The following DLGAP3 variants were observed in gnomAD, a reference collection of about 807,000 sequenced individuals.
DLGAP3 encodes the protein DLG associated protein 3.
In DLGAP3, 17 loss-of-function variants were observed where a neutral mutation model predicts 81.2. The ratio of observed to expected loss-of-function variants is 0.21; its 90% CI spans 0.14 to 0.31. DLGAP3 has a LOEUF of 0.31. Ranked by LOEUF, DLGAP3 falls within the 10% of genes least tolerant of loss-of-function variation. The probability of loss-of-function intolerance (pLI) is 1.00; values close to 1 mark genes in which losing one functional copy is unlikely to be tolerated. For synonymous variants in DLGAP3, 577 were observed against 587.4 expected (o/e 0.98, Z 0.26); for missense variants, 1,124 against 1,388.0 (o/e 0.81, Z 3.02).
intron 3 of DLGAP3, among the ~76,000 whole-genome samples, chr1:34,901,932 A>T (rs1362329792): frequency 6.6e-6 from 1 of 152,218 alleles, no homozygotes; most frequent in Non-Finnish European, 1.5e-5. Flanking sequence ...AAACCTCAGA[A>T]GGGAGAACAG....
In DLGAP3 at chr1:34,892,911, G is replaced by A. The variant is rs1234704442; in HGVS notation, c.1387-6626C>T. On this transcript the variant is annotated intron_variant, in intron 5 of 11. Coordinates refer to ENST00000373347, the MANE Select transcript of DLGAP3 (RefSeq NM_001080418.3). Reference sequence around the variant, plus strand: ...CACACGGCCGGGCGCGGTGGCTCACGCCTGTAATCCCAGCACTTTGGGAGG... The same window carrying A: ...CACACGGCCGGGCGCGGTGGCTCACACCTGTAATCCCAGCACTTTGGGAGG... 4.6e-5 allele frequency among the ~76,000 whole-genome samples: 7 copies of A among 152,248 alleles called. 1 individual carries two copies. The highest frequency in any genetic ancestry group is 3.9e-4 in the East Asian group (2 of 5,186).
intron 8 of DLGAP3, among the ~76,000 whole-genome samples, chr1:34,871,074 G>A (rs1299664134): frequency 6.6e-6 from 1 of 152,030 alleles, no homozygotes; most frequent in African/African-American, 2.4e-5. Context: ...AAGATCTGGG[G>A]CCCTCCCCAG....
chr1:34,893,956 G>A (rs538472722), intron 5 of DLGAP3, among the ~76,000 whole-genome samples: 1 of 152,328 alleles, frequency 6.6e-6, no homozygotes, highest in African/African-American at 2.4e-5. Flanking sequence ...GGAGGCCAAG[G>A]TGGGTGGATC....
chr1:34,923,541 G>T (rs1472343370), intron 1 of DLGAP3, among the ~76,000 whole-genome samples: 12 of 152,134 alleles, frequency 7.9e-5, no homozygotes, highest in Admixed American at 7.9e-4. Context: ...CAGGGAAAAG[G>T]GGGTGGACAT....
At chr1:34,912,369 G>C (rs1639651829) in intron 1 of DLGAP3, among the ~76,000 whole-genome samples, 1 of 152,200 alleles carries the variant, frequency 6.6e-6, no homozygotes, top group Admixed American at 6.5e-5. Flanking sequence ...GTTTGACAAA[G>C]ACCAGTATCT....
At chr1:34,887,422 T>C (rs914293194) in intron 5 of DLGAP3, among the ~76,000 whole-genome samples, 8 of 149,716 alleles carry the variant, frequency 5.3e-5, no homozygotes, top group Admixed American at 4.7e-4. Flanking sequence ...AAAAAAAAAG[T>C]TAAAGTATGA....
At position 34,873,161 on chromosome 1, in the gene DLGAP3, G is replaced by A. The variant is rs533524780; in HGVS notation, c.2001-4072C>T. ...CCCTACTTGTAGATCAGAAAACCGA[G>A]GCTTAGTGGGGTTGACTCCTAAGAT... On this transcript the variant is annotated intron_variant, in intron 8 of 11. Coordinates refer to ENST00000373347, the MANE Select transcript of DLGAP3 (RefSeq NM_001080418.3). This position sits in a 1 kb window ranked among gnomAD's most constrained non-coding sequence, Gnocchi z 4.2. 6.6e-6 allele frequency among the ~76,000 whole-genome samples: 1 copy of A among 152,320 alleles called. No individual in the cohort carries two copies. The highest frequency in any genetic ancestry group is 1.9e-4 in the East Asian group (1 of 5,180).
intron 11 of DLGAP3, 111 bp from the exon 12 acceptor site, chr1:34,866,412 C>G (rs959347378): frequency 2.3e-6 from 2 of 870,152 alleles, no homozygotes; most frequent in African/African-American, 3.4e-5. Flanking sequence ...GCTCCGAACG[C>G]GATGGCGCTC....
chr1:34,929,391 G>C lies in DLGAP3; in HGVS notation c.-135+60C>G. 6.7e-6 allele frequency: 1 copy of C among 148,400 alleles called. No homozygotes were observed. Among genetic ancestry groups the C allele is most frequent in the East Asian group, 2.0e-4 (1 of 5,070 alleles). 9.2% of individuals were successfully genotyped at this position (148,400 alleles called of 1,614,324 possible). On this transcript the variant is annotated intron_variant, in intron 1 of 11. Coordinates refer to ENST00000373347, the MANE Select transcript of DLGAP3 (RefSeq NM_001080418.3). The surrounding 1 kb of genome is among the most constrained non-coding windows in gnomAD (Gnocchi z 6.5). ...CGGGGCCGCAGCCGGGCCGTGCCTG[G>C]GGGGCGCTGCAGAGGGAGCCGCGAG...
intron 11 of DLGAP3, among the ~76,000 whole-genome samples, chr1:34,866,652 C>T (rs751167343): frequency 3.9e-5 from 6 of 152,192 alleles, no homozygotes; most frequent in Admixed American, 1.3e-4. Context: ...TGGCCCTCAT[C>T]GCAGACAAGG....
intron 8 of DLGAP3, among the ~76,000 whole-genome samples, chr1:34,877,365 G>A (rs1462317191): frequency 6.6e-6 from 1 of 152,222 alleles, no homozygotes. Context: ...GCTTCCTTGT[G>A]TGGAGGTGTG....
In DLGAP3 at chr1:34,900,256, C is replaced by A. The variant is rs1639435920; in HGVS notation, c.1125G>T (p.Trp375Cys). Residue 375 changes from tryptophan to cysteine, a missense_variant, in exon 4 of 12, where the codon TGG becomes TGT. Transcript: ENST00000373347. The surrounding 1 kb of genome is among the most constrained non-coding windows in gnomAD (Gnocchi z 5.6). The part of the protein sequence containing the change: ...YHYLQVPQDD[W>C]GGYPTGGKDG... The stretch of plus-strand genomic sequence containing the variant: ...CCTTGCCACCGGTGGGGTAACCCCC[C>A]CAGTCATCTTGCGGCACCTGCAGGA... The A allele has an allele frequency of 3.1e-6, 5 of 1,614,046 alleles. No homozygotes were observed. The highest frequency in any genetic ancestry group is 3.4e-6 in the Non-Finnish European group (4 of 1,180,002).
At chr1:34,917,346 C>CTTTT (rs548309308) in intron 1 of DLGAP3, among the ~76,000 whole-genome samples, 2 of 133,318 alleles carry the variant, frequency 1.5e-5, no homozygotes, top group Admixed American at 7.7e-5. Context: ...ATCCTTTTTC[C>CTTTT]TTTTTTTTTT....
At chr1:34,913,981 G>A (rs948168648) in intron 1 of DLGAP3, among the ~76,000 whole-genome samples, 1 of 152,204 alleles carries the variant, frequency 6.6e-6, no homozygotes, top group Non-Finnish European at 1.5e-5. Flanking sequence ...GGAAGGTCGT[G>A]GAGGGAGAAG....
At position 34,895,910 on chromosome 1, in the gene DLGAP3, T is replaced by TCACACACA; in HGVS notation, c.1386+3758_1386+3759insTGTGTGTG. ...CATAAAGCTGGACCCCTAACTTGAA[T>TCACACACA]CACACATACACACACACACACACAC... On this transcript the variant is annotated intron_variant, in intron 5 of 11. Coordinates refer to ENST00000373347, the MANE Select transcript of DLGAP3 (RefSeq NM_001080418.3). The surrounding 1 kb of genome is among the most constrained non-coding windows in gnomAD (Gnocchi z 4.5). 8.1e-6 allele frequency among the ~76,000 whole-genome samples: 1 copy of TCACACACA among 123,536 alleles called. No homozygotes were observed. The highest frequency in any genetic ancestry group is 1.8e-5 in the Non-Finnish European group (1 of 56,988). The allele number at this position is 123,536 out of a possible 152,430, so 81.0% of individuals were successfully genotyped here. A position where few individuals can be genotyped will look rare whatever the true frequency, so the allele number is the denominator to read the frequency against.
In DLGAP3 at chr1:34,868,813, G is replaced by A. The variant is rs1164888975; in HGVS notation, c.2277C>T (p.Ala759=). ...CCCCAGGGCCGGGGGTGGGGGCGGG[G>A]GCAGGGCCGGGCGACCCATCGGTGG... ...PPATDGSPGP[A]PAPTPGPGAG... Residue 759 remains alanine, a synonymous_variant, in exon 9 of 12, where the codon GCC becomes GCT. Transcript: ENST00000373347. The surrounding 1 kb of genome is among the most constrained non-coding windows in gnomAD (Gnocchi z 7.5). 1 of 1,579,064 alleles carries A rather than the reference G, an allele frequency of 6.3e-7. No individual in the cohort carries two copies. Among genetic ancestry groups the A allele is most frequent in the Non-Finnish European group, 8.6e-7 (1 of 1,167,690 alleles).
At position 34,885,043 on chromosome 1, in the gene DLGAP3, C is replaced by G. The variant is rs142200212; in HGVS notation, c.1935G>C (p.Ser645=). The G allele has an allele frequency of 9.3e-6, 15 of 1,613,384 alleles. No individual in the cohort carries two copies. In the African/African-American group the frequency reaches 1.9e-4, roughly 20 times the overall value. Residue 645 remains serine (S), a synonymous_variant, in exon 8 of 12, where the codon TCG becomes TCC. Transcript: ENST00000373347. ...IGVQVETISD[S]DTENRSRREF... is the part of the protein sequence containing the mutation. ...CCCTCCGGCTCCTGTTCTCGGTGTC[C>G]GAATCTGAGATCGTCTCCACCTGGT...
At position 34,918,096 on chromosome 1, in the gene DLGAP3, G is replaced by A. The variant is rs189651993; in HGVS notation, c.-134-10659C>T. On this transcript the variant is annotated intron_variant, in intron 1 of 11. Coordinates refer to ENST00000373347, the MANE Select transcript of DLGAP3 (RefSeq NM_001080418.3). ...TGAGGCACAGGCAGAACCCTCAGAG[G>A]GGGGGTCTCTCAGAGGAACTCTGCC... is the stretch of plus-strand genomic sequence containing the variant. 8.5e-5 allele frequency among the ~76,000 whole-genome samples: 13 copies of A among 152,300 alleles called. No homozygotes were observed. In the East Asian group the frequency reaches 1.7e-3, roughly 20 times the overall value.
rs1201155298 is a variant in DLGAP3 at position 34,899,715 on chromosome 1, G to A, written c.1340C>T (p.Pro447Leu). 6.2e-7 allele frequency: 1 copy of A among 1,614,072 alleles called. No homozygotes were observed. Among genetic ancestry groups the A allele is most frequent in the Admixed American group, 1.7e-5 (1 of 60,026 alleles). ...GCTGTAGCCAGGGATGGAGCTCCGG[G>A]GGTGGATCCGGGGTGGGACACAGCA... ...INCCVPPRIH[P>L]RSSIPGYSRS... The change falls in exon 5 of 12, where the codon CCC becomes CTC. Residue 447 changes from proline to leucine, a missense_variant. Coordinates refer to ENST00000373347, the MANE Select transcript of DLGAP3 (RefSeq NM_001080418.3).
Sources: allele counts gnomAD v4.1 joint callset (sites outside exome capture counted in the v4.1 genomes callset), GRCh38; gene constraint gnomAD v4.1.1; non-coding constraint Gnocchi (gnomAD v3.1); transcripts MANE v1.5; gene names NCBI Gene and HGNC (gene_info 2026-07-23, HGNC 2026-07-21).